SPMAP2: variants seen among roughly 807,000 people sequenced by gnomAD.
The protein encoded by SPMAP2 is sperm microtubule associated protein 2, also known as Theg homolog.
chr19:363,725 G>C, the SPMAP2 span, among the ~76,000 whole-genome samples: 40 of 150,972 alleles, frequency 2.6e-4, no homozygotes, highest in East Asian at 7.8e-3. Context: ...AGTAGAGACA[G>C]GGTTTCACCA....
At chr19:374,041 G>A in the SPMAP2 span, 21 of 1,606,566 alleles carry the variant, frequency 1.3e-5, no homozygotes, top group Middle Eastern at 8.3e-4. Flanking sequence ...GAGCCCCACT[G>A]CCTCTTGCCC....
chr19:366,631 C>T, the SPMAP2 span, among the ~76,000 whole-genome samples: 4 of 152,200 alleles, frequency 2.6e-5, no homozygotes, highest in African/African-American at 9.7e-5. Context: ...TAAAGAGCTG[C>T]TCCCAATCTA....
the SPMAP2 span, chr19:371,196 G>A: frequency 7.0e-7 from 1 of 1,428,514 alleles, no homozygotes. Flanking sequence ...GGGGGCACGG[G>A]GCACCCACCT....
chr19:374,797 C>T, the SPMAP2 span, among the ~76,000 whole-genome samples: 1 of 152,246 alleles, frequency 6.6e-6, no homozygotes, highest in Admixed American at 6.5e-5. Context: ...CCCAGAGGGG[C>T]AACCACCCTC....
the SPMAP2 span, chr19:372,821 C>A: frequency 1.1e-6 from 1 of 931,680 alleles, no homozygotes. Context: ...ATTGGAAGAA[C>A]TGTGGGCAGA....
At chr19:370,403 G>A in the SPMAP2 span, among the ~76,000 whole-genome samples, 1 of 151,448 alleles carries the variant, frequency 6.6e-6, no homozygotes, top group Admixed American at 6.6e-5. Flanking sequence ...GGGCAGTGGC[G>A]CGATCTCGGC....
chr19:365,077 G>A, the SPMAP2 span, among the ~76,000 whole-genome samples: 4 of 152,244 alleles, frequency 2.6e-5, no homozygotes, highest in Admixed American at 6.5e-5. Flanking sequence ...CACGTGGCAC[G>A]TGGCTGGGCA....
the SPMAP2 span, among the ~76,000 whole-genome samples, chr19:367,496 C>G: frequency 6.6e-6 from 1 of 152,186 alleles, no homozygotes; most frequent in Non-Finnish European, 1.5e-5. Flanking sequence ...AATGTAATAT[C>G]AACAATTGTT....
At chr19:373,371 G>T in the SPMAP2 span, 1 of 1,153,262 alleles carries the variant, frequency 8.7e-7, no homozygotes, top group East Asian at 2.4e-5. Flanking sequence ...CCGAGGAGAT[G>T]GGGCAAGGGA....
At chr19:374,597 A>G in the SPMAP2 span, 1 of 800,696 alleles carries the variant, frequency 1.2e-6, no homozygotes, top group Non-Finnish European at 1.9e-6. Flanking sequence ...GAAGGCCTGG[A>G]CCAACCGCAG....
At chr19:373,853 A>ACTC in the SPMAP2 span, 1 of 1,237,658 alleles carries the variant, frequency 8.1e-7, no homozygotes, top group Non-Finnish European at 1.2e-6. Flanking sequence ...CCCTGGAGAG[A>ACTC]GGAGGGTGGC....
At chr19:374,347 A>G in the SPMAP2 span, 2 of 1,613,994 alleles carry the variant, frequency 1.2e-6, no homozygotes, top group Middle Eastern at 1.6e-4. Flanking sequence ...CAGCTCCATG[A>G]GCCTCCTCCG....
chr19:363,813 G>A, the SPMAP2 span, among the ~76,000 whole-genome samples: 2 of 152,004 alleles, frequency 1.3e-5, no homozygotes, highest in Non-Finnish European at 1.5e-5. Flanking sequence ...GGGATTACAG[G>A]TGTGGGCCAC....
At chr19:366,358 G>A in the SPMAP2 span, among the ~76,000 whole-genome samples, 13 of 152,218 alleles carry the variant, frequency 8.5e-5, no homozygotes, top group South Asian at 6.2e-4. Context: ...GCGTGAGTGC[G>A]TGCGTGTACC....
the SPMAP2 span, among the ~76,000 whole-genome samples, chr19:369,979 G>A: frequency 6.6e-5 from 10 of 152,274 alleles, no homozygotes; most frequent in African/African-American, 2.2e-4. Context: ...CTTGGCTTGG[G>A]CTCAGAGGCC....
the SPMAP2 span, among the ~76,000 whole-genome samples, chr19:365,277 G>A: frequency 1.1e-4 from 17 of 152,338 alleles, no homozygotes; most frequent in South Asian, 1.9e-3. Flanking sequence ...AGCTCTGCCC[G>A]GCAGATGCCC....
the SPMAP2 span, chr19:366,966 G>C: frequency 1.5e-6 from 2 of 1,315,414 alleles, no homozygotes; most frequent in Non-Finnish European, 2.1e-6. Context: ...TCTTTCATGG[G>C]GGAGAGCTTC....
At chr19:371,165 G>T in the SPMAP2 span, 1 of 1,249,860 alleles carries the variant, frequency 8.0e-7, no homozygotes, top group East Asian at 2.8e-5. Context: ...GTCCCAGCCC[G>T]CCTGGCGGGG....
chr19:362,331 T>C, the SPMAP2 span: 1 of 1,610,548 alleles, frequency 6.2e-7, no homozygotes, highest in Non-Finnish European at 8.5e-7. Context: ...GCCAGGGAGA[T>C]GATCCGGGGG....
Sources: gnomAD v4.1 joint callset for allele counts (sites outside exome capture counted in the v4.1 genomes callset) on GRCh38, gnomAD v4.1.1 for gene constraint, MANE v1.5 for transcripts, NCBI Gene and HGNC (gene_info 2026-07-23, HGNC 2026-07-21) for gene names.